ZNF492: variants seen among roughly 807,000 people sequenced by gnomAD.
ZNF492 encodes zinc finger protein 492.
A neutral mutation model predicts 6.4 loss-of-function variants in ZNF492; 3 were observed. The observed-to-expected ratio is 0.47, with a 90% CI of 0.21 to 1.22. ZNF492 has a LOEUF of 1.22. Among genes scored for constraint, ZNF492 ranks in the 50% most tolerant of loss-of-function variants. The probability of loss-of-function intolerance (pLI) is 0.22; values close to 1 mark genes in which losing one functional copy is unlikely to be tolerated. For synonymous variants in ZNF492, 112 were observed against 205.3 expected, an observed-to-expected ratio of 0.55 and a Z score of 3.89; for missense variants, 356 against 612.5, an observed-to-expected ratio of 0.58 and a Z score of 4.42.
rs762320485 is a variant in ZNF492 at position 22,664,611 on chromosome 19, T to C, written c.942T>C (p.Cys314=). Residue 314 remains cysteine (C), a synonymous_variant, in exon 4 of 4, where the codon TGT becomes TGC. Coordinates refer to ENST00000456783, the MANE Select transcript of ZNF492 (RefSeq NM_020855.3). ...AGAAATTCTACAAATGTGAAGAATGTGGTAAGGCCTTTAGCCAGTTATCCC... is the reference window on the plus strand; with the variant it reads ...AGAAATTCTACAAATGTGAAGAATGCGGTAAGGCCTTTAGCCAGTTATCCC... ...TGEKFYKCEE[C]GKAFSQLSHL... The C allele has an allele frequency of 1.9e-6, 3 of 1,613,396 alleles. No individual in the cohort carries two copies. The highest frequency in any genetic ancestry group is 2.5e-6 in the Non-Finnish European group (3 of 1,179,792).
At chr19:22,636,512 TTC>T (rs1444023842) in intron 1 of ZNF492, among the ~76,000 whole-genome samples, 1 of 97,100 alleles carries the variant, frequency 1.0e-5, no homozygotes, top group East Asian at 3.1e-4. Context: ...GGACATGATC[TTC>T]TGTGTGTGTG....
intron 3 of ZNF492, among the ~76,000 whole-genome samples, chr19:22,661,600 C>CT (rs1972059311): frequency 1.4e-5 from 2 of 143,368 alleles, no homozygotes; most frequent in Admixed American, 6.8e-5. Flanking sequence ...TTGTGTTTCT[C>CT]TTCTTTTTTT....
chr19:22,637,441 C>T (rs950886369), intron 1 of ZNF492, among the ~76,000 whole-genome samples: 2 of 152,086 alleles, frequency 1.3e-5, no homozygotes, highest in African/African-American at 4.8e-5. Context: ...TACAGGCACA[C>T]ACCACCAGGC....
rs543166124 is a variant in ZNF492 at position 22,664,753 on chromosome 19, G to T, written c.1084G>T (p.Glu362Ter). 1 of 1,598,650 alleles carries T rather than the reference G, an allele frequency of 6.3e-7. No individual in the cohort carries two copies. Residue 362 changes from glutamate (E) to a stop codon, truncating the protein, a stop_gained, in exon 4 of 4, where the codon GAG becomes TAG. Coordinates refer to ENST00000456783, the MANE Select transcript of ZNF492 (RefSeq NM_020855.3). LOFTEE classifies it low-confidence loss of function (END_TRUNC). ...TACACATAAGAGAATTCATGCTGGA[G>T]AGAAATTCTACAAATGTGAAGTATG... ...LTTHKRIHAG[E>*]KFYKCEVCSK...
chr19:22,646,638 A>T (rs1971880103), intron 1 of ZNF492, among the ~76,000 whole-genome samples: 1 of 152,184 alleles, frequency 6.6e-6, no homozygotes, highest in South Asian at 2.1e-4. Flanking sequence ...ATTCAATATG[A>T]TATTGGCTGT....
chr19:22,666,260 A>C lies in ZNF492; in HGVS notation c.*995A>C, dbSNP rs577659719. 1.4e-5 allele frequency: 2 copies of C among 147,054 alleles called. No homozygotes were observed. Among genetic ancestry groups the C allele is most frequent in the Admixed American group, 7.0e-5 (1 of 14,258 alleles). 9.1% of individuals were successfully genotyped at this position (147,054 alleles called of 1,614,324 possible). On this transcript the variant is annotated 3_prime_UTR_variant, in exon 4 of 4. Coordinates refer to ENST00000456783, the MANE Select transcript of ZNF492 (RefSeq NM_020855.3). ...GGCTGGAGTACAGTGGCACGATCTCAGCTCACTGCAACCTCCGTCTCCAGG... is the reference window on the plus strand; with the variant it reads ...GGCTGGAGTACAGTGGCACGATCTCCGCTCACTGCAACCTCCGTCTCCAGG...
chr19:22,654,839 G>T (rs2145255769), intron 3 of ZNF492, among the ~76,000 whole-genome samples: 1 of 150,060 alleles, frequency 6.7e-6, no homozygotes, highest in South Asian at 2.1e-4. Flanking sequence ...TAGACCTCGT[G>T]ATCCGCCCAC....
chr19:22,653,996 G>C lies in ZNF492; in HGVS notation c.111G>C (p.Glu37Asp). The C allele has an allele frequency of 1.9e-6, 3 of 1,602,922 alleles. No individual in the cohort carries two copies. The change falls in exon 3 of 4, where the codon GAG becomes GAC. Residue 37 changes from glutamate to aspartate, a missense_variant. Physicochemically the swap from Glu to Asp is conservative, Grantham distance 45. Transcript: ENST00000456783. ...AACCTTGGAATGTGAAGAGACATGA[G>C]ATGGTAGCTGAACCCCCAGGTAGGT... ...GKEPWNVKRH[E>D]MVAEPPVVCS...
intron 1 of ZNF492, among the ~76,000 whole-genome samples, chr19:22,637,664 T>C (rs893182036): frequency 2.6e-5 from 4 of 152,202 alleles, no homozygotes; most frequent in Non-Finnish European, 4.4e-5. Flanking sequence ...TTTGCTTTCA[T>C]GAATGACAGG....
At chr19:22,658,466 G>T (rs984998591) in intron 3 of ZNF492, among the ~76,000 whole-genome samples, 13 of 149,406 alleles carry the variant, frequency 8.7e-5, no homozygotes, top group Non-Finnish European at 1.5e-5. Context: ...TTTTATAAAA[G>T]ATTTCTAGAA....
At chr19:22,654,471 T>C (rs954536096) in intron 3 of ZNF492, among the ~76,000 whole-genome samples, 3 of 152,178 alleles carry the variant, frequency 2.0e-5, no homozygotes, top group Non-Finnish European at 2.9e-5. Context: ...TTCTGTCTTA[T>C]TATAGTCTTG....
chr19:22,655,675 A>ATTTTTTTTT (rs201831166), intron 3 of ZNF492, among the ~76,000 whole-genome samples: 6 of 109,458 alleles, frequency 5.5e-5, no homozygotes, highest in African/African-American at 2.4e-4. Flanking sequence ...CAGTGACTTA[A>ATTTTTTTTT]TTTTTTTTTT....
rs561488477 is a variant in ZNF492 at position 22,665,026 on chromosome 19, G to C, written c.1357G>C (p.Glu453Gln). The stretch of plus-strand genomic sequence containing the variant: ...TGGAGAGAAGCCCTACAAATATGAA[G>C]AATGTGGCAAAGCTTTTAACCAGTC... ...HTGEKPYKYE[E>Q]CGKAFNQSSH... is the part of the protein sequence containing the mutation. Residue 453 changes from glutamate to glutamine, a missense_variant, in exon 4 of 4, where the codon GAA (glutamate) becomes CAA (glutamine). Physicochemically the swap from Glu to Gln is conservative, Grantham distance 29. Around this residue, in one of 7 missense-constraint regions of ZNF492, gnomAD observed 81 missense variants for 115.4 expected, o/e 0.70. Transcript: ENST00000456783. 6.3e-7 allele frequency: 1 copy of C among 1,583,294 alleles called. No homozygotes were observed. Among genetic ancestry groups the C allele is most frequent in the Non-Finnish European group, 8.6e-7 (1 of 1,165,256 alleles).
At chr19:22,663,654 T>G in intron 3 of ZNF492, 146 bp from the exon 4 acceptor site, 2 of 780,350 alleles carry the variant, frequency 2.6e-6, no homozygotes, top group African/African-American at 1.8e-5. Context: ...TCTGTATGCT[T>G]TTATATGTCT....
chr19:22,662,522 A>G (rs1410026510), intron 3 of ZNF492, among the ~76,000 whole-genome samples: 1 of 152,216 alleles, frequency 6.6e-6, no homozygotes, highest in Non-Finnish European at 1.5e-5. Context: ...GTCTTCCACA[A>G]TGGTTGAACT....
At chr19:22,652,825 C>T (rs577387216) in intron 1 of ZNF492, among the ~76,000 whole-genome samples, 76 of 152,166 alleles carry the variant, frequency 5.0e-4, no homozygotes, top group South Asian at 1.7e-3. Context: ...GTGATCCACC[C>T]GCCTTAGCCT....
intron 1 of ZNF492, among the ~76,000 whole-genome samples, chr19:22,644,503 T>C (rs919665791): frequency 6.6e-6 from 1 of 152,172 alleles, no homozygotes; most frequent in Non-Finnish European, 1.5e-5. Flanking sequence ...CCTGTGTTAG[T>C]TTGCTGAGGA....
chr19:22,653,358 C>G lies in ZNF492; in HGVS notation c.-42C>G. The G allele has an allele frequency of 1.9e-6, 3 of 1,613,732 alleles. No homozygotes were observed. The highest frequency in any genetic ancestry group is 2.5e-6 in the Non-Finnish European group (3 of 1,179,978). ...CATAGAATTCTCTCTGGAGGAGTGG[C>G]AATGCCTGGACACCGCACAGCAGAA... On this transcript the variant is annotated 5_prime_UTR_variant, in exon 2 of 4. Coordinates refer to ENST00000456783, the MANE Select transcript of ZNF492 (RefSeq NM_020855.3).
Position 22,665,455 on chromosome 19 carries a change from A to C in ZNF492, c.*190A>C. ...ATGTACAAATATAAAGAAAGTAAAA[A>C]AGTGATTAATATCTGTGCACATCTT... On this transcript the variant is annotated 3_prime_UTR_variant, in exon 4 of 4. Coordinates refer to ENST00000456783, the MANE Select transcript of ZNF492 (RefSeq NM_020855.3). The C allele has an allele frequency of 4.9e-6, 6 of 1,212,358 alleles. No individual in the cohort carries two copies. The highest frequency in any genetic ancestry group is 6.7e-6 in the Non-Finnish European group (6 of 891,706). The allele number at this position is 1,212,358 out of a possible 1,614,324, so 75.1% of individuals were successfully genotyped here.
Sources: allele counts gnomAD v4.1 joint callset (sites outside exome capture counted in the v4.1 genomes callset), GRCh38; gene constraint gnomAD v4.1.1; regional missense constraint gnomAD v4.1.1; transcripts MANE v1.5; gene names NCBI Gene and HGNC (gene_info 2026-07-23, HGNC 2026-07-21).